The following FGD3 variants were observed in gnomAD, a reference collection of about 807,000 sequenced individuals.
The protein encoded by FGD3 is FYVE, RhoGEF and PH domain-containing protein 3.
FGD3 carries 45 observed loss-of-function variants against 71.8 expected under a neutral mutation model. The ratio of observed to expected loss-of-function variants is 0.63; its 90% CI spans 0.49 to 0.80. FGD3 has a LOEUF of 0.80. FGD3 is among the 30% of genes least tolerant of loss of function. The probability of loss-of-function intolerance (pLI) is 0.00; values close to 1 mark genes in which losing one functional copy is unlikely to be tolerated. For synonymous variants in FGD3, 378 were observed against 392.8 expected, an observed-to-expected ratio of 0.96 and a Z score of 0.44; for missense variants, 844 against 951.5, an observed-to-expected ratio of 0.89 and a Z score of 1.49.
intron 7 of FGD3, 142 bp downstream of exon 7, chr9:93,010,526 A>AGAC: frequency 1.1e-6 from 1 of 874,438 alleles, no homozygotes; most frequent in South Asian, 2.3e-5. Flanking sequence ...AAAGAGACAG[A>AGAC]GACAGAGGCA....
chr9:93,035,417 G>A lies in FGD3; in HGVS notation c.2006G>A (p.Gly669Glu), dbSNP rs1195613651. Residue 669 changes from glycine (G) to glutamate (E), a missense_variant, in exon 18 of 18, where the codon GGG (glycine) becomes GAG (glutamate). By Grantham distance (98) the Gly-to-Glu change is moderately conservative. Coordinates refer to ENST00000375482, the MANE Select transcript of FGD3 (RefSeq NM_001083536.2). ...GACCCTGAGGAGAGGCTGGACTCGG[G>A]GCATGTGTGGAAGCTGCAGTGGGCC... ...VPDPEERLDS[G>E]HVWKLQWAKQ... 1.2e-6 allele frequency: 2 copies of A among 1,612,310 alleles called. No individual in the cohort carries two copies. The highest frequency in any genetic ancestry group is 2.2e-5 in the East Asian group (1 of 44,792).
chr9:92,976,617 AC>A lies in FGD3; in HGVS notation c.367del (p.Gln123ArgfsTer51), dbSNP rs777351004. The A allele has an allele frequency of 6.2e-7, 1 of 1,612,538 alleles. No homozygotes were observed. On this transcript the variant is annotated frameshift_variant, in exon 3 of 18. Transcript: ENST00000375482. LOFTEE classifies it high-confidence loss of function. ...MALDSQVPKV[T>X]PQEEADSDVG... ...CCTGGACAGCCAGGTCCCGAAGGTC[AC>A]CCCCCAGGAGGAGGCGGACAGCGAC...
chr9:92,950,944 C>A (rs1235651200), intron 1 of FGD3, among the ~76,000 whole-genome samples: 1 of 152,100 alleles, frequency 6.6e-6, no homozygotes, highest in African/African-American at 2.4e-5. Flanking sequence ...TTGGCTTCTC[C>A]CCAAGATCTG....
At chr9:93,000,453 T>G (rs1160961548) in intron 3 of FGD3, among the ~76,000 whole-genome samples, 1 of 152,220 alleles carries the variant, frequency 6.6e-6, no homozygotes, top group Non-Finnish European at 1.5e-5. Flanking sequence ...TCCTTAATCT[T>G]TTTTATTTTA....
chr9:92,994,950 A>G (rs905094061), intron 3 of FGD3, among the ~76,000 whole-genome samples: 6 of 152,238 alleles, frequency 3.9e-5, no homozygotes, highest in Non-Finnish European at 7.4e-5. Context: ...TTGTCTTGGC[A>G]ATGCGGGCTC....
intron 8 of FGD3, among the ~76,000 whole-genome samples, 192 bp from the exon 9 acceptor site, chr9:93,013,660 T>C (rs1861534893): frequency 6.6e-6 from 1 of 152,196 alleles, no homozygotes; most frequent in South Asian, 2.1e-4. Flanking sequence ...GTTTTTATGC[T>C]CTGCATGGTG....
intron 8 of FGD3, among the ~76,000 whole-genome samples, chr9:93,012,522 T>C (rs1248348601): frequency 6.6e-6 from 1 of 152,106 alleles, no homozygotes; most frequent in African/African-American, 2.4e-5. Context: ...TGGTGGCTCA[T>C]GGCTGTAATC....
chr9:93,035,250 G>T (rs1413517114), intron 17 of FGD3, 88 bp from the exon 18 acceptor site: 4 of 1,518,054 alleles, frequency 2.6e-6, no homozygotes, highest in Middle Eastern at 2.4e-4. Context: ...GGGTCTGGGA[G>T]TGGCCTCCTG....
intron 3 of FGD3, among the ~76,000 whole-genome samples, chr9:92,988,523 C>A (rs949165842): frequency 1.3e-5 from 2 of 152,186 alleles, no homozygotes; most frequent in African/African-American, 4.8e-5. Context: ...CTCCCCTGCT[C>A]ATGTCTGCCT....
intron 1 of FGD3, among the ~76,000 whole-genome samples, chr9:92,958,037 C>G (rs1859095795): frequency 6.6e-6 from 1 of 151,032 alleles, no homozygotes; most frequent in South Asian, 2.1e-4. Context: ...CTCATTCTGC[C>G]ACCCAGGCTG....
At chr9:93,012,714 C>G (rs1861479647) in intron 8 of FGD3, among the ~76,000 whole-genome samples, 1 of 149,900 alleles carries the variant, frequency 6.7e-6, no homozygotes, top group African/African-American at 2.5e-5. Flanking sequence ...AAGAATCAAT[C>G]TACATAGAAT....
At chr9:92,974,618 AG>A (rs1280333531) in intron 1 of FGD3, 3 of 152,322 alleles carry the variant, frequency 2.0e-5, no homozygotes, top group African/African-American at 7.2e-5. Flanking sequence ...CAAGGCAACC[AG>A]GGCAGGCTCA....
Position 93,035,602 on chromosome 9 carries a change from A to G in FGD3, c.*13A>G, listed in dbSNP as rs1281620557. Reference sequence around the variant, plus strand: ...AGCTGCTCCGTGAGCTGAGTCTCCCACTGCCCTGCACACCACCACATTGGA... The same window carrying G: ...AGCTGCTCCGTGAGCTGAGTCTCCCGCTGCCCTGCACACCACCACATTGGA... On this transcript the variant is annotated 3_prime_UTR_variant, in exon 18 of 18. Coordinates refer to ENST00000375482, the MANE Select transcript of FGD3 (RefSeq NM_001083536.2). 1 of 1,571,416 alleles carries G rather than the reference A, an allele frequency of 6.4e-7. No homozygotes were observed. The highest frequency in any genetic ancestry group is 8.6e-7 in the Non-Finnish European group (1 of 1,161,792).
intron 1 of FGD3, among the ~76,000 whole-genome samples, chr9:92,958,092 A>C (rs7039741): frequency 7.3e-5 from 11 of 151,082 alleles, no homozygotes; most frequent in African/African-American, 2.7e-4. Context: ...TCCACCTCCC[A>C]GGTTCAAGTG....
chr9:92,972,679 T>G (rs1203754014), intron 1 of FGD3, among the ~76,000 whole-genome samples: 14 of 111,896 alleles, frequency 1.3e-4, no homozygotes, highest in African/African-American at 2.0e-4. Context: ...CTTGTCATTA[T>G]TTCCTCAAAT....
At chr9:92,965,352 C>G (rs1290663092) in intron 1 of FGD3, among the ~76,000 whole-genome samples, 2 of 152,240 alleles carry the variant, frequency 1.3e-5, no homozygotes, top group Non-Finnish European at 2.9e-5. Context: ...CCAAGGCACA[C>G]AGCTGACTTG....
chr9:92,954,340 T>C (rs1425832833), intron 1 of FGD3, among the ~76,000 whole-genome samples: 1 of 152,174 alleles, frequency 6.6e-6, no homozygotes, highest in African/African-American at 2.4e-5. Flanking sequence ...CTTTCCCCTG[T>C]CTTGTCAGAA....
intron 3 of FGD3, among the ~76,000 whole-genome samples, chr9:92,984,924 G>A (rs1860135397): frequency 6.6e-6 from 1 of 151,854 alleles, no homozygotes; most frequent in African/African-American, 2.4e-5. Context: ...TGAACCCAAA[G>A]GGAAATTTAT....
rs1859471996 is a variant in FGD3, at chr9:92,969,889, G to A, written c.-217-5349G>A. On this transcript the variant is annotated intron_variant, in intron 1 of 17. Transcript: ENST00000375482. The surrounding 1 kb of genome is among the most constrained non-coding windows in gnomAD (Gnocchi z 4.5). ...AGTTCTAGGACACCCTGGATTCTGG[G>A]GCATTCTAAATTTCTTCAGGTTTGT... is the stretch of plus-strand genomic sequence containing the variant. 1.3e-5 allele frequency among the ~76,000 whole-genome samples: 2 copies of A among 152,194 alleles called. No individual in the cohort carries two copies. The highest frequency in any genetic ancestry group is 2.9e-5 in the Non-Finnish European group (2 of 68,038).
Sources: gnomAD v4.1 joint callset for allele counts (sites outside exome capture counted in the v4.1 genomes callset) on GRCh38, gnomAD v4.1.1 for gene constraint, Gnocchi (gnomAD v3.1) non-coding constraint, MANE v1.5 for transcripts, NCBI Gene and HGNC (gene_info 2026-07-23, HGNC 2026-07-21) for gene names.